Variants in ABLIM2 observed in about 807,000 individuals in gnomAD.
ABLIM2 encodes actin-binding LIM protein 2.
In ABLIM2, 53 loss-of-function variants were observed where a neutral mutation model predicts 97.7. The ratio of observed to expected loss-of-function variants is 0.54; its 90% CI spans 0.44 to 0.68. ABLIM2 has a LOEUF of 0.68. Ranked by LOEUF, ABLIM2 falls within the 30% of genes least tolerant of loss-of-function variation. The pLI is 0.00. For missense variants in ABLIM2, 835 were observed against 867.2 expected (o/e 0.96, Z 0.47); for synonymous variants, 361 against 345.8 (o/e 1.04, Z -0.49).
rs1461020248 is a variant in ABLIM2, at chr4:8,085,556, T to C, written c.454+2613A>G. On this transcript the variant is annotated intron_variant, in intron 4 of 20. Transcript: ENST00000447017. The surrounding 1 kb of genome is among the most constrained non-coding windows in gnomAD (Gnocchi z 6.1). ...CACGCTGCAGCCCCGTCCACTCACATGGCTCTGGGGGTGCCCACGCTGCAG... is the reference window on the plus strand; with the variant it reads ...CACGCTGCAGCCCCGTCCACTCACACGGCTCTGGGGGTGCCCACGCTGCAG... 6.0e-5 allele frequency among the ~76,000 whole-genome samples: 8 copies of C among 133,380 alleles called. No homozygotes were observed. Among genetic ancestry groups the C allele is most frequent in the Non-Finnish European group, 9.5e-5 (6 of 63,302 alleles). 87.5% of individuals were successfully genotyped at this position (133,380 alleles called of 152,430 possible).
intron 20 of ABLIM2, among the ~76,000 whole-genome samples, chr4:7,973,163 T>A (rs1394947557): frequency 6.7e-6 from 1 of 148,352 alleles, no homozygotes; most frequent in African/African-American, 2.5e-5. Flanking sequence ...ATAAAGTGCA[T>A]GTGCAAAGGC....
chr4:8,131,652 C>CT (rs1336544591), intron 1 of ABLIM2, among the ~76,000 whole-genome samples: 4 of 148,500 alleles, frequency 2.7e-5, no homozygotes, highest in South Asian at 2.1e-4. Flanking sequence ...GCCCGCATCC[C>CT]CAGCACAGCA....
rs1281766379 is a variant in ABLIM2, at chr4:8,005,931, T to C, written c.1618+2128A>G. Among the ~76,000 whole-genome samples the C allele has an allele frequency of 6.6e-6, 1 of 152,224 alleles. No homozygotes were observed. The highest frequency in any genetic ancestry group is 1.5e-5 in the Non-Finnish European group (1 of 68,034). On this transcript the variant is annotated intron_variant, in intron 16 of 20. Coordinates refer to ENST00000447017, the MANE Select transcript of ABLIM2 (RefSeq NM_001130083.2). The surrounding 1 kb of genome is among the most constrained non-coding windows in gnomAD (Gnocchi z 4.9). ...AGTGCAGCACGGGCCATTGGAGTCC[T>C]GCAGACCCAGCATGCCAGGATGGAG...
chr4:7,972,761 G>C (rs760494761), intron 20 of ABLIM2, among the ~76,000 whole-genome samples: 20 of 152,108 alleles, frequency 1.3e-4, no homozygotes, highest in Non-Finnish European at 2.4e-4. Context: ...ACACAGTTCT[G>C]CTTGTGTTTC....
At chr4:8,135,673 G>C (rs1231429842) in intron 1 of ABLIM2, among the ~76,000 whole-genome samples, 1 of 152,250 alleles carries the variant, frequency 6.6e-6, no homozygotes, top group Non-Finnish European at 1.5e-5. Context: ...AAGCCGCCGG[G>C]CTGTGATATC....
At position 8,075,895 on chromosome 4, in the gene ABLIM2, T is replaced by C. The variant is rs1037563485; in HGVS notation, c.675+1733A>G. 4.6e-5 allele frequency among the ~76,000 whole-genome samples: 7 copies of C among 152,276 alleles called. No individual in the cohort carries two copies. In the East Asian group the frequency reaches 9.6e-4, roughly 21 times the overall value. On this transcript the variant is annotated intron_variant, in intron 6 of 20. Transcript: ENST00000447017. This position sits in a 1 kb window ranked among gnomAD's most constrained non-coding sequence, Gnocchi z 4.4. ...TGTTTGGGATACAACATGGCACAGA[T>C]GGTTTGAGATCAACTATGATTACAT... is the stretch of plus-strand genomic sequence containing the variant.
At chr4:8,146,851 T>G (rs1851882894) in intron 1 of ABLIM2, among the ~76,000 whole-genome samples, 1 of 152,174 alleles carries the variant, frequency 6.6e-6, no homozygotes, top group Non-Finnish European at 1.5e-5. Flanking sequence ...TTTTAAATTG[T>G]TTTAATTTCG....
intron 8 of ABLIM2, among the ~76,000 whole-genome samples, chr4:8,045,953 C>T (rs997273662): frequency 5.3e-5 from 8 of 152,172 alleles, no homozygotes; most frequent in Admixed American, 3.9e-4. Context: ...CGGCTCTGTC[C>T]TCCATGCCCT....
intron 3 of ABLIM2, among the ~76,000 whole-genome samples, chr4:8,089,196 CG>C (rs1262612269): frequency 1.3e-5 from 2 of 152,172 alleles, no homozygotes; most frequent in African/African-American, 4.8e-5. Flanking sequence ...TCCTGCAGTC[CG>C]GGGATGTCTT....
intron 1 of ABLIM2, among the ~76,000 whole-genome samples, chr4:8,141,828 A>G (rs1851024430): frequency 6.6e-6 from 1 of 152,252 alleles, no homozygotes; most frequent in African/African-American, 2.4e-5. Flanking sequence ...CTAGGGTCCC[A>G]TCTTAAATTT....
At chr4:8,081,154 C>T (rs1819582263) in intron 4 of ABLIM2, among the ~76,000 whole-genome samples, 1 of 152,078 alleles carries the variant, frequency 6.6e-6, no homozygotes, top group African/African-American at 2.4e-5. Flanking sequence ...TCGATGTGCC[C>T]CCCAAAGGGA....
intron 7 of ABLIM2, among the ~76,000 whole-genome samples, chr4:8,056,151 CTCT>C (rs1798998161): frequency 8.3e-6 from 1 of 120,570 alleles, no homozygotes; most frequent in Non-Finnish European, 1.8e-5. Context: ...TAACAGATGT[CTCT>C]TATTAAAAAT....
At position 8,043,076 on chromosome 4, in the gene ABLIM2, G is replaced by A. The variant is rs563739639; in HGVS notation, c.900+2088C>T. ...TGAGGTGGGAGGATCGCCTGAGCCC[G>A]GGGAGGTTGAGGCTGCCATGAGCCA... On this transcript the variant is annotated intron_variant, in intron 9 of 20. Coordinates refer to ENST00000447017, the MANE Select transcript of ABLIM2 (RefSeq NM_001130083.2). The surrounding 1 kb of genome is among the most constrained non-coding windows in gnomAD (Gnocchi z 4.8). 7.3e-4 allele frequency among the ~76,000 whole-genome samples: 111 copies of A among 151,656 alleles called. No homozygotes were observed. The highest frequency in any genetic ancestry group is 1.3e-3 in the Non-Finnish European group (91 of 67,896).
chr4:8,000,080 AGGCTTGGAGGCTGT>A (rs1756035371), intron 16 of ABLIM2, among the ~76,000 whole-genome samples: 1 of 151,998 alleles, frequency 6.6e-6, no homozygotes, highest in African/African-American at 2.4e-5. Context: ...CACGGGCAGG[AGGCTTGGAGGCTGT>A]GGCACTGCAC....
Position 8,082,835 on chromosome 4 carries a change from C to T in ABLIM2, c.455-2033G>A, listed in dbSNP as rs1032043585. Among the ~76,000 whole-genome samples the T allele has an allele frequency of 2.0e-5, 3 of 152,196 alleles. No homozygotes were observed. The highest frequency in any genetic ancestry group is 6.5e-5 in the Admixed American group (1 of 15,276). ...GACCCCCACATCACCCAATCTGCCG[C>T]GCTCCTTCCTGTGTCTCTGCAGAGT... On this transcript the variant is annotated intron_variant, in intron 4 of 20. Coordinates refer to ENST00000447017, the MANE Select transcript of ABLIM2 (RefSeq NM_001130083.2). The surrounding 1 kb of genome is among the most constrained non-coding windows in gnomAD (Gnocchi z 5.6).
In ABLIM2 at chr4:7,966,753, C is replaced by T; in HGVS notation, c.*237G>A. The T allele has an allele frequency of 1.9e-6, 1 of 539,462 alleles. No homozygotes were observed. The highest frequency in any genetic ancestry group is 3.3e-6 in the Non-Finnish European group (1 of 301,274). 33.4% of individuals were successfully genotyped at this position (539,462 alleles called of 1,614,324 possible). On this transcript the variant is annotated 3_prime_UTR_variant, in exon 21 of 21. Transcript: ENST00000447017. The stretch of plus-strand genomic sequence containing the variant: ...CGACACAGCCACTCTACAGCCTCTC[C>T]CTGACACCAAGCCACAGCGGGGAAG...
In ABLIM2 at chr4:8,080,793, C is replaced by A. The variant is rs774617539; in HGVS notation, c.464G>T (p.Gly155Val). 1 of 1,606,436 alleles carries A rather than the reference C, an allele frequency of 6.2e-7. No homozygotes were observed. The highest frequency in any genetic ancestry group is 2.2e-5 in the East Asian group (1 of 44,662). ...GCCATTCTTGATTTCTGTGCCGCAG[C>A]CCCCACAACCTGGAAGAAAGAGAAG... ...HLSQGLRSCG[G>V]CGTEIKNGQA... The change falls in exon 5 of 21, where the codon GGC becomes GTC. Residue 155 changes from glycine (G) to valine (V), a missense_variant. Physicochemically the swap from Gly to Val is moderately radical, Grantham distance 109 (BLOSUM62 -3). Transcript: ENST00000447017.
intron 17 of ABLIM2, among the ~76,000 whole-genome samples, chr4:7,988,935 T>G (rs1226713697): frequency 2.6e-5 from 4 of 152,196 alleles, no homozygotes; most frequent in Non-Finnish European, 5.9e-5. Context: ...TGCATAAACA[T>G]TTTAATAAAT....
intron 7 of ABLIM2, among the ~76,000 whole-genome samples, chr4:8,055,633 G>A (rs981977618): frequency 6.6e-6 from 1 of 152,216 alleles, no homozygotes; most frequent in Non-Finnish European, 1.5e-5. Context: ...AAAAGTGTGT[G>A]TGCAATGAGG....
Sources: gnomAD v4.1 joint callset for allele counts (sites outside exome capture counted in the v4.1 genomes callset) on GRCh38, gnomAD v4.1.1 for gene constraint, Gnocchi (gnomAD v3.1) non-coding constraint, MANE v1.5 for transcripts, NCBI Gene and HGNC (gene_info 2026-07-23, HGNC 2026-07-21) for gene names.